The following GTF3C3 variants were observed in gnomAD, a reference collection of about 807,000 sequenced individuals.
GTF3C3 encodes the protein general transcription factor 3C polypeptide 3.
Under a neutral mutation model 105.2 loss-of-function variants are expected in GTF3C3, and 75 were observed. That is an observed-to-expected ratio of 0.71 (90% CI 0.59 to 0.86). The LOEUF is 0.86. Ranked by LOEUF, GTF3C3 falls within the 40% of genes least tolerant of loss-of-function variation. The probability of loss-of-function intolerance (pLI) is 0.00; values close to 1 mark genes in which losing one functional copy is unlikely to be tolerated. For missense variants in GTF3C3, 856 were observed against 1,076.5 expected (o/e 0.80, Z 2.87); for synonymous variants, 335 against 370.4 (o/e 0.90, Z 1.10).
intron 8 of GTF3C3, among the ~76,000 whole-genome samples, chr2:196,784,521 C>G (rs1427851754): frequency 6.6e-6 from 1 of 151,992 alleles, no homozygotes; most frequent in Non-Finnish European, 1.5e-5. Context: ...ATTTTAGGTC[C>G]TATTTGAAAA....
chr2:196,788,350 A>C (rs555379463), intron 6 of GTF3C3, among the ~76,000 whole-genome samples: 1 of 152,252 alleles, frequency 6.6e-6, no homozygotes, highest in Non-Finnish European at 1.5e-5. Flanking sequence ...AATGGAAAGC[A>C]TATCACAAGG....
At chr2:196,798,862 C>CAAA (rs71410624) in intron 1 of GTF3C3, among the ~76,000 whole-genome samples, 12,533 of 83,452 alleles carry the variant, frequency 0.15, 832 homozygotes, top group Non-Finnish European at 0.2. Context: ...AACTCCGTCT[C>CAAA]AAAAAAAAAA....
chr2:196,796,482 GAAC>G (rs1038157151), intron 2 of GTF3C3, among the ~76,000 whole-genome samples: 8 of 152,186 alleles, frequency 5.3e-5, no homozygotes, highest in Non-Finnish European at 1.2e-4. Flanking sequence ...CAAATTGTGA[GAAC>G]AACTTCAGTC....
intron 2 of GTF3C3, among the ~76,000 whole-genome samples, chr2:196,794,391 T>G (rs975145388): frequency 6.6e-6 from 1 of 152,204 alleles, no homozygotes; most frequent in Admixed American, 6.5e-5. Context: ...TAAGTATATA[T>G]AGAGAGATAT....
intron 4 of GTF3C3, 133 bp downstream of exon 4, chr2:196,791,204 G>A: frequency 1.5e-6 from 1 of 672,164 alleles, no homozygotes; most frequent in Non-Finnish European, 2.4e-6. Context: ...TGTGAAAAGT[G>A]GCAATTACCA....
chr2:196,771,588 A>T (rs1043660818), intron 15 of GTF3C3, among the ~76,000 whole-genome samples, 160 bp downstream of exon 15: 1 of 152,240 alleles, frequency 6.6e-6, no homozygotes, highest in East Asian at 1.9e-4. Context: ...AAGTAGGTCC[A>T]ATTATTATCT....
intron 13 of GTF3C3, 133 bp downstream of exon 13, chr2:196,774,983 G>A (rs1699237811): frequency 1.7e-6 from 1 of 584,028 alleles, no homozygotes; most frequent in Admixed American, 3.6e-5. Flanking sequence ...TATTACACTT[G>A]AGAGATTTAG....
intron 17 of GTF3C3, among the ~76,000 whole-genome samples, chr2:196,766,345 C>T (rs1174402951): frequency 6.6e-6 from 1 of 152,192 alleles, no homozygotes; most frequent in Non-Finnish European, 1.5e-5. Flanking sequence ...AACTAAAATG[C>T]TCACAGCCAC....
rs376166603 is a variant in GTF3C3, at chr2:196,786,768, G to A, written c.894-1180C>T. Among the ~76,000 whole-genome samples, 12 of 151,156 alleles carry A rather than the reference G, an allele frequency of 7.9e-5. No homozygotes were observed. Among genetic ancestry groups the A allele is most frequent in the East Asian group, 2.0e-4 (1 of 5,116 alleles). On this transcript the variant is annotated intron_variant, in intron 6 of 17. Transcript: ENST00000263956. This position sits in a 1 kb window ranked among gnomAD's most constrained non-coding sequence, Gnocchi z 4.2. ...CCCAAAGTTGTCCATCCCCCATACC[G>A]TCTCCAATGCCTCTTTCCATTCTCT...
intron 4 of GTF3C3, among the ~76,000 whole-genome samples, chr2:196,790,456 G>A (rs1482449111): frequency 3.3e-5 from 5 of 152,152 alleles, no homozygotes; most frequent in African/African-American, 1.2e-4. Context: ...ACACCAAGGA[G>A]TATGGTATGA....
intron 16 of GTF3C3, among the ~76,000 whole-genome samples, chr2:196,768,631 C>T (rs1431073133): frequency 1.3e-5 from 2 of 152,086 alleles, no homozygotes; most frequent in Non-Finnish European, 1.5e-5. Context: ...ACCTGCTTCT[C>T]AGAAACTTTT....
chr2:196,798,423 C>G (rs2125753914), intron 1 of GTF3C3, among the ~76,000 whole-genome samples: 1 of 152,042 alleles, frequency 6.6e-6, no homozygotes, highest in East Asian at 1.9e-4. Flanking sequence ...TACTTGGAGG[C>G]TGAGGTAGGA....
chr2:196,769,755 T>C (rs983342112), intron 16 of GTF3C3, among the ~76,000 whole-genome samples, 160 bp downstream of exon 16: 1 of 152,146 alleles, frequency 6.6e-6, no homozygotes, highest in Non-Finnish European at 1.5e-5. Flanking sequence ...AGTATAATTA[T>C]ATGCTGAGTG....
chr2:196,777,419 A>G (rs898459350), intron 10 of GTF3C3, among the ~76,000 whole-genome samples: 1 of 152,172 alleles, frequency 6.6e-6, no homozygotes, highest in East Asian at 1.9e-4. Context: ...TTTACACCCA[A>G]TCAGTCAATC....
In GTF3C3 at chr2:196,786,102, A is replaced by T. The variant is rs1213088663; in HGVS notation, c.894-514T>A. Among the ~76,000 whole-genome samples the T allele has an allele frequency of 6.6e-6, 1 of 152,106 alleles. No homozygotes were observed. The highest frequency in any genetic ancestry group is 1.5e-5 in the Non-Finnish European group (1 of 68,024). On this transcript the variant is annotated intron_variant, in intron 6 of 17. Transcript: ENST00000263956. This position sits in a 1 kb window ranked among gnomAD's most constrained non-coding sequence, Gnocchi z 4.2. ...CCAGCTGACCATGTTGACTGGTCTC[A>T]CTCTAAACTGATGACCAATAGCCTC...
chr2:196,769,474 TAATTTC>T (rs374572776), intron 16 of GTF3C3, among the ~76,000 whole-genome samples: 84 of 152,324 alleles, frequency 5.5e-4, no homozygotes, highest in African/African-American at 1.9e-3. Context: ...ACAAGAAACA[TAATTTC>T]AAATTATTAT....
chr2:196,766,165 A>G (rs1018715741), intron 17 of GTF3C3, among the ~76,000 whole-genome samples: 1 of 152,194 alleles, frequency 6.6e-6, no homozygotes, highest in African/African-American at 2.4e-5. Flanking sequence ...ACAGATCATC[A>G]TAGTATTGGC....
chr2:196,776,627 A>C lies in GTF3C3; in HGVS notation c.1393T>G (p.Cys465Gly). Residue 465 changes from cysteine (C) to glycine (G), a missense_variant and splice_region_variant, in exon 11 of 18, where the codon TGT (cysteine) becomes GGT (glycine). Around this residue, in one of 3 missense-constraint regions of GTF3C3, gnomAD observed 605 missense variants for 833.6 expected, o/e 0.73. Coordinates refer to ENST00000263956, the MANE Select transcript of GTF3C3 (RefSeq NM_012086.5). The surrounding 1 kb of genome is among the most constrained non-coding windows in gnomAD (Gnocchi z 4.5). ...TCCATATAGCCTAAGGCCTTTAAAC[A>C]TTCTAAGATGATGTTAAAATAAAGC... ...LAVVWLRHAECLKALGYMERA... is the reference protein window; with the variant it reads ...LAVVWLRHAEGLKALGYMERA... 1 of 1,603,206 alleles carries C rather than the reference A, an allele frequency of 6.2e-7. No individual in the cohort carries two copies. Among genetic ancestry groups the C allele is most frequent in the Non-Finnish European group, 8.5e-7 (1 of 1,171,388 alleles).
At chr2:196,780,684 A>C in intron 8 of GTF3C3, 22 bp from the exon 9 acceptor site, 1 of 1,604,648 alleles carries the variant, frequency 6.2e-7, no homozygotes. Flanking sequence ...ACAGACAAGA[A>C]GCAGTTACTA....
Sources: allele counts gnomAD v4.1 joint callset (sites outside exome capture counted in the v4.1 genomes callset), GRCh38; gene constraint gnomAD v4.1.1; regional missense constraint gnomAD v4.1.1; non-coding constraint Gnocchi (gnomAD v3.1); transcripts MANE v1.5; gene names NCBI Gene and HGNC (gene_info 2026-07-23, HGNC 2026-07-21).